Variants in PIR observed in about 807,000 individuals in gnomAD.
PIR encodes pirin.
A neutral mutation model predicts 24.2 loss-of-function variants in PIR; 22 were observed. The ratio of observed to expected loss-of-function variants is 0.91; its 90% CI spans 0.65 to 1.30. The LOEUF is 1.30. Ranked by LOEUF, PIR falls within the 50% of genes most tolerant of loss-of-function variation. PIR has a pLI of 0.00. For missense variants in PIR, 220 were observed against 220.3 expected, an observed-to-expected ratio of 1.00 and a Z score of 0.01; for synonymous variants, 80 against 79.6, an observed-to-expected ratio of 1.00 and a Z score of -0.03.
At chrX:15,442,428 C>G (rs1401674141) in intron 5 of PIR, among the ~76,000 whole-genome samples, 1 of 110,960 alleles carries the variant, frequency 9.0e-6, no homozygotes, top group Non-Finnish European at 1.9e-5. Context: ...ATTAACAACC[C>G]CACAATGGCC....
intron 9 of PIR, among the ~76,000 whole-genome samples, chrX:15,389,300 G>A (rs771310189): frequency 8.9e-6 from 1 of 111,861 alleles, no homozygotes; most frequent in Non-Finnish European, 1.9e-5. Flanking sequence ...CGTACAAAAT[G>A]GTTGTCAAAT....
At chrX:15,449,199 A>G (rs1996174) in intron 5 of PIR, among the ~76,000 whole-genome samples, 34,777 of 110,542 alleles carry the variant, frequency 0.31, 4,197 homozygotes, top group East Asian at 0.51. Context: ...GCAAGGAGAT[A>G]AAGATGGGGA....
intron 2 of PIR, among the ~76,000 whole-genome samples, chrX:15,485,718 G>T: frequency 8.9e-6 from 1 of 112,197 alleles, no homozygotes; most frequent in Non-Finnish European, 1.9e-5. Flanking sequence ...CAAAAAGTAA[G>T]AATATCTTGC....
intron 3 of PIR, among the ~76,000 whole-genome samples, chrX:15,466,073 C>T (rs1394551791): frequency 1.7e-5 from 1 of 58,165 alleles, no homozygotes; most frequent in Non-Finnish European, 3.0e-5. Context: ...CAAAACAAAA[C>T]ACGAGTTGAG....
chrX:15,469,328 C>G, intron 3 of PIR, among the ~76,000 whole-genome samples: 1 of 111,958 alleles, frequency 8.9e-6, no homozygotes, highest in Non-Finnish European at 1.9e-5. Context: ...TCCTCCCTCC[C>G]CTTTCTTTTT....
At chrX:15,466,787 C>G (rs1403839912) in intron 3 of PIR, among the ~76,000 whole-genome samples, 1 of 111,589 alleles carries the variant, frequency 9.0e-6, no homozygotes, top group Non-Finnish European at 1.9e-5. Context: ...CTCCAACAGT[C>G]TCATAGTTCA....
At chrX:15,437,868 T>C (rs1925799398) in intron 5 of PIR, among the ~76,000 whole-genome samples, 1 of 112,576 alleles carries the variant, frequency 8.9e-6, no homozygotes, top group Non-Finnish European at 1.9e-5. Flanking sequence ...TCTTGCCCTA[T>C]TTCCTTTCTG....
chrX:15,417,304 T>C (rs1033012747), intron 6 of PIR, among the ~76,000 whole-genome samples: 3 of 112,419 alleles, frequency 2.7e-5, no homozygotes, highest in Non-Finnish European at 5.6e-5. Flanking sequence ...TTGAGAGACA[T>C]TGCAAGACAA....
intron 3 of PIR, among the ~76,000 whole-genome samples, chrX:15,463,740 A>G (rs1921416052): frequency 8.9e-6 from 1 of 112,343 alleles, no homozygotes; most frequent in Non-Finnish European, 1.9e-5. Flanking sequence ...TTGTATGGGA[A>G]ATTAATATAT....
intron 3 of PIR, among the ~76,000 whole-genome samples, chrX:15,470,554 A>C (rs1431110958): frequency 9.5e-6 from 1 of 105,797 alleles, no homozygotes; most frequent in Non-Finnish European, 2.0e-5. Flanking sequence ...TATAGTCTTT[A>C]TTACATTTCC....
intron 7 of PIR, among the ~76,000 whole-genome samples, chrX:15,399,344 T>C (rs1179204066): frequency 8.9e-6 from 1 of 112,338 alleles, no homozygotes; most frequent in Non-Finnish European, 1.9e-5. Context: ...TCCAAACAAC[T>C]ATATTTTCTA....
Position 15,425,993 on chromosome X carries a change from G to C in PIR, c.481-3C>G. 9.1e-7 allele frequency: 1 copy of C among 1,099,482 alleles called. No homozygotes were observed. Among genetic ancestry groups the C allele is most frequent in the Non-Finnish European group, 1.3e-6 (1 of 796,067 alleles). 90.6% of individuals were successfully genotyped at this position (1,099,482 alleles called of 1,213,427 possible). On this transcript the variant is annotated splice_polypyrimidine_tract_variant and splice_region_variant and intron_variant, in intron 5 of 9. Transcript: ENST00000380420. The stretch of plus-strand genomic sequence containing the variant: ...GGTGTGCGAGTGTAAACCTTGGACT[G>C]AAAAGGAAAAGGAAACCATCAGTGT...
chrX:15,417,043 T>C (rs989037976), intron 6 of PIR, among the ~76,000 whole-genome samples: 26 of 112,068 alleles, frequency 2.3e-4, no homozygotes, highest in African/African-American at 7.5e-4. Flanking sequence ...GCAATTCTCA[T>C]GCCTCAGCCA....
At chrX:15,411,364 G>A (rs1924735290) in intron 6 of PIR, among the ~76,000 whole-genome samples, 1 of 111,592 alleles carries the variant, frequency 9.0e-6, no homozygotes, top group South Asian at 3.8e-4. Context: ...CATTTCCAGA[G>A]AGGCTCCTAA....
intron 5 of PIR, among the ~76,000 whole-genome samples, chrX:15,427,248 C>T (rs768217671): frequency 8.1e-5 from 9 of 111,241 alleles, no homozygotes; most frequent in Non-Finnish European, 1.5e-4. Context: ...AAAGGGGCTT[C>T]TGGGGGCTGG....
chrX:15,488,641 T>C (rs945804316), intron 2 of PIR, among the ~76,000 whole-genome samples: 1 of 112,241 alleles, frequency 8.9e-6, no homozygotes, highest in Non-Finnish European at 1.9e-5. Flanking sequence ...TACAATTATA[T>C]GGAAACAAAC....
intron 2 of PIR, among the ~76,000 whole-genome samples, chrX:15,481,861 C>T (rs902877921): frequency 8.9e-5 from 10 of 111,804 alleles, no homozygotes; most frequent in African/African-American, 3.3e-4. Flanking sequence ...CCGTGGCAGA[C>T]TGCAATTTCT....
At chrX:15,428,011 A>G (rs920209687) in intron 5 of PIR, among the ~76,000 whole-genome samples, 1 of 111,886 alleles carries the variant, frequency 8.9e-6, no homozygotes, top group Non-Finnish European at 1.9e-5. Flanking sequence ...GACTATCAAA[A>G]GATTTTTTTC....
chrX:15,410,159 G>A (rs1039934759), intron 6 of PIR, among the ~76,000 whole-genome samples: 6 of 110,768 alleles, frequency 5.4e-5, no homozygotes, highest in African/African-American at 2.0e-4. Flanking sequence ...GCTGAAGCAG[G>A]AAAATTGCTT....
Sources: allele counts gnomAD v4.1 joint callset (sites outside exome capture counted in the v4.1 genomes callset), GRCh38; gene constraint gnomAD v4.1.1; transcripts MANE v1.5; gene names NCBI Gene and HGNC (gene_info 2026-07-23, HGNC 2026-07-21).